The following CHM variants were observed in gnomAD, a reference collection of about 807,000 sequenced individuals.
CHM encodes the protein CHM Rab escort protein.
In CHM, 10 loss-of-function variants were observed where a neutral mutation model predicts 49.0. The observed-to-expected ratio is 0.20, with a 90% confidence interval of 0.13 to 0.35. The LOEUF (loss-of-function observed/expected upper bound fraction) is 0.35. CHM is among the 10% of genes least tolerant of loss of function. The probability of loss-of-function intolerance (pLI) is 1.00; values close to 1 mark genes in which losing one functional copy is unlikely to be tolerated. For missense variants in CHM, 455 were observed against 478.4 expected (o/e 0.95, Z 0.46); for synonymous variants, 184 against 167.5 (o/e 1.10, Z -0.76).
At chrX:86,027,843 A>G (rs1233910375) in intron 1 of CHM, among the ~76,000 whole-genome samples, 2 of 110,084 alleles carry the variant, frequency 1.8e-5, no homozygotes, top group African/African-American at 6.6e-5. Context: ...GGCTCACTGC[A>G]ACCTCCGACT....
In CHM at chrX:85,895,845, A is replaced by G. The variant is rs1925794665; in HGVS notation, c.1414-1561T>C. On this transcript the variant is annotated intron_variant, in intron 11 of 14. Transcript: ENST00000357749. Reference sequence around the variant, plus strand: ...AATAGTTAAATGAGTACAACTAAAAACATGACCATAATTGGAAAAGTACCT... The same window carrying G: ...AATAGTTAAATGAGTACAACTAAAAGCATGACCATAATTGGAAAAGTACCT... Among the ~76,000 whole-genome samples, 4 of 111,214 alleles carry G rather than the reference A, an allele frequency of 3.6e-5. No homozygotes were observed. The South Asian group carries it at 1.5e-3, about 42-fold the overall frequency.
chrX:85,887,608 G>C (rs1925168391), intron 12 of CHM, among the ~76,000 whole-genome samples: 1 of 111,582 alleles, frequency 9.0e-6, no homozygotes, highest in Admixed American at 9.5e-5. Context: ...GAACAGTTTG[G>C]TGGGTTCAGA....
At chrX:85,868,394 C>G (rs960329137) in intron 14 of CHM, among the ~76,000 whole-genome samples, 1 of 110,750 alleles carries the variant, frequency 9.0e-6, no homozygotes, top group Non-Finnish European at 1.9e-5. Context: ...TGCTCTCCAT[C>G]CCGGAGACTC....
chrX:86,026,829 A>G (rs1603283160), intron 2 of CHM: 2 of 111,918 alleles, frequency 1.8e-5, no homozygotes, highest in South Asian at 7.5e-4. Flanking sequence ...TTCTATTCCT[A>G]TTCAATGAAG....
rs761044897 is a variant in CHM, at chrX:85,956,203, T to C, written c.1116A>G (p.Pro372=). 13 of 1,209,440 alleles carry C rather than the reference T, an allele frequency of 1.1e-5. No individual in the cohort carries two copies. The Admixed American group carries it at 2.6e-4, about 24-fold the overall frequency. The stretch of plus-strand genomic sequence containing the variant: ...CTTGGCCATATAAAGGAAACAAAAA[T>C]GGAGTGTTGCCATACCGCCCAAGAC... ...LHCLGRYGNT[P]FLFPLYGQGE... Residue 372 remains proline (P), a synonymous_variant, in exon 8 of 15, where the codon CCA becomes CCG. Transcript: ENST00000357749.
At chrX:85,934,271 C>T (rs1160508968) in intron 8 of CHM, among the ~76,000 whole-genome samples, 2 of 97,717 alleles carry the variant, frequency 2.0e-5, no homozygotes, top group Admixed American at 1.1e-4. Context: ...TGAGCCACTG[C>T]GCTCAGCCTT....
At chrX:85,867,816 A>T (rs1332444246) in intron 14 of CHM, among the ~76,000 whole-genome samples, 1 of 112,270 alleles carries the variant, frequency 8.9e-6, no homozygotes, top group Non-Finnish European at 1.9e-5. Context: ...TTTAAGCTGA[A>T]CTTATTAGTA....
chrX:85,865,414 C>T (rs1055204153), intron 14 of CHM, among the ~76,000 whole-genome samples: 9 of 111,884 alleles, frequency 8.0e-5, no homozygotes, highest in Admixed American at 5.7e-4. Context: ...TGAGGCCTCC[C>T]CAGCCATGTG....
chrX:85,896,957 AAATT>A (rs1205932799), intron 11 of CHM, among the ~76,000 whole-genome samples: 1 of 96,187 alleles, frequency 1.0e-5, no homozygotes, highest in Non-Finnish European at 2.0e-5. Context: ...ATAATACATG[AAATT>A]AATATATAAT....
rs1321867361 is a variant in CHM at position 85,864,455 on chromosome X, GT to G, written c.*174del. The G allele has an allele frequency of 2.1e-6, 1 of 468,133 alleles. No homozygotes were observed. Among genetic ancestry groups the G allele is most frequent in the African/African-American group, 2.4e-5 (1 of 41,726 alleles). The allele number at this position is 468,133 out of a possible 1,213,427, so 38.6% of individuals were successfully genotyped here. A position where few individuals can be genotyped will look rare whatever the true frequency, so the allele number is the denominator to read the frequency against. ...GAGCAAGTCAATGTGCTTTATAAGT[GT>G]TGTGTGTTCTTGGAATGTCCTCTAT... On this transcript the variant is annotated 3_prime_UTR_variant, in exon 15 of 15. Transcript: ENST00000357749.
At chrX:85,982,368 G>T (rs965640972) in intron 2 of CHM, among the ~76,000 whole-genome samples, 2 of 111,343 alleles carry the variant, frequency 1.8e-5, no homozygotes, top group Non-Finnish European at 3.8e-5. Flanking sequence ...AGCCTTTAGG[G>T]CCAAAAATAA....
chrX:85,963,997 G>A lies in CHM; in HGVS notation c.370C>T (p.Leu124Phe), dbSNP rs765359472. 3.3e-6 allele frequency: 4 copies of A among 1,209,145 alleles called. No homozygotes were observed. In the East Asian group the frequency reaches 1.2e-4, roughly 36 times the overall value. The part of the protein sequence containing the change: ...EAGALQKNHA[L>F]VTSANSTEAA... ...TCTGTGGAGTTTGCAGATGTCACAA[G>A]AGCATGATTTTTCTGCAGTGCACCA... is the stretch of plus-strand genomic sequence containing the variant. The change falls in exon 5 of 15, where the codon CTT (leucine) becomes TTT (phenylalanine). Residue 124 changes from leucine (L) to phenylalanine (F), a missense_variant. Leu to Phe is a conservative substitution (Grantham distance 22, BLOSUM62 0). Coordinates refer to ENST00000357749, the MANE Select transcript of CHM (RefSeq NM_000390.4).
chrX:85,993,899 CA>C (rs1230116507), intron 2 of CHM, among the ~76,000 whole-genome samples: 1 of 111,991 alleles, frequency 8.9e-6, no homozygotes, highest in African/African-American at 3.2e-5. Flanking sequence ...TTCAACTCTT[CA>C]AAAAGAACCG....
chrX:85,952,974 G>T (rs2147658064), intron 8 of CHM, among the ~76,000 whole-genome samples: 2 of 112,690 alleles, frequency 1.8e-5, no homozygotes, highest in South Asian at 7.3e-4. Context: ...GGGAGAGGCT[G>T]AGAGAAGTCA....
chrX:85,916,450 C>G (rs1927457423), intron 8 of CHM, among the ~76,000 whole-genome samples: 2 of 111,925 alleles, frequency 1.8e-5, no homozygotes, highest in African/African-American at 6.5e-5. Context: ...AAACATTGAA[C>G]AATGGGATCC....
intron 9 of CHM, 99 bp downstream of exon 9, chrX:85,911,162 T>TGA (rs1926945770): frequency 2.4e-5 from 1 of 42,039 alleles, no homozygotes; most frequent in African/African-American, 1.4e-4. Context: ...TATATATATA[T>TGA]GTATATATAT....
intron 5 of CHM, among the ~76,000 whole-genome samples, chrX:85,962,265 C>G (rs374279487): frequency 4.0e-4 from 45 of 111,945 alleles, no homozygotes; most frequent in South Asian, 1.9e-3. Context: ...GATTAAACTT[C>G]CATCCACAGA....
At chrX:85,934,327 C>T (rs1203060190) in intron 8 of CHM, among the ~76,000 whole-genome samples, 2 of 87,613 alleles carry the variant, frequency 2.3e-5, no homozygotes, top group Non-Finnish European at 4.3e-5. Flanking sequence ...GCACAATGTG[C>T]AGGTTTGTTA....
At chrX:85,947,955 G>GA (rs1344361469) in intron 8 of CHM, among the ~76,000 whole-genome samples, 3 of 111,387 alleles carry the variant, frequency 2.7e-5, no homozygotes, top group African/African-American at 9.8e-5. Flanking sequence ...CACATTAAAG[G>GA]AAAAAATTAG....
Sources: allele counts gnomAD v4.1 joint callset (sites outside exome capture counted in the v4.1 genomes callset), GRCh38; gene constraint gnomAD v4.1.1; transcripts MANE v1.5; gene names NCBI Gene and HGNC (gene_info 2026-07-23, HGNC 2026-07-21).